ZFHX3: variants seen among roughly 807,000 people sequenced by gnomAD.
ZFHX3 encodes the protein zinc finger homeobox 3.
ZFHX3 carries 42 observed loss-of-function variants against 279.1 expected under a neutral mutation model. The observed-to-expected ratio is 0.15, with a 90% CI of 0.12 to 0.19. ZFHX3 has a LOEUF of 0.19. ZFHX3 is among the 10% of genes least tolerant of loss of function. ZFHX3 has a pLI of 1.00. For missense variants in ZFHX3, 4,981 were observed against 4,754.0 expected (o/e 1.05, Z -1.40); for synonymous variants, 2,293 against 1,957.8 (o/e 1.17, Z -4.52).
At chr16:73,464,838 G>A (rs912461903) in intron 2 of ZFHX3, among the ~76,000 whole-genome samples, 1 of 152,164 alleles carries the variant, frequency 6.6e-6, no homozygotes, top group South Asian at 2.1e-4. Context: ...TTGTCAAATG[G>A]GAAAGTTCAT....
intron 2 of ZFHX3, among the ~76,000 whole-genome samples, chr16:73,461,226 C>T (rs1042720865): frequency 7.2e-5 from 11 of 152,108 alleles, no homozygotes; most frequent in African/African-American, 1.9e-4. Context: ...CTCTTCATGA[C>T]ATTTGCCCAT....
At chr16:73,870,830 G>A (rs1962143709) in intron 1 of ZFHX3, among the ~76,000 whole-genome samples, 1 of 152,146 alleles carries the variant, frequency 6.6e-6, no homozygotes, top group Non-Finnish European at 1.5e-5. Context: ...GGCGTGGGTG[G>A]AGGAAAGACA....
chr16:72,846,859 AG>A (rs2143816006), intron 4 of ZFHX3, among the ~76,000 whole-genome samples: 1 of 152,256 alleles, frequency 6.6e-6, no homozygotes, highest in African/African-American at 2.4e-5. Flanking sequence ...AAACACAAAG[AG>A]GGGAAGCGGA....
At chr16:73,448,672 G>T (rs971377098) in intron 3 of ZFHX3, among the ~76,000 whole-genome samples, 1 of 137,036 alleles carries the variant, frequency 7.3e-6, no homozygotes, top group Non-Finnish European at 1.6e-5. Flanking sequence ...AGGGGAAGGT[G>T]TATATTTATA....
At chr16:73,588,079 TAAA>T (rs1179231307) in intron 2 of ZFHX3, among the ~76,000 whole-genome samples, 1 of 149,602 alleles carries the variant, frequency 6.7e-6, no homozygotes, top group Non-Finnish European at 1.5e-5. Context: ...GCAGTTAAAC[TAAA>T]AATCAACAAC....
intron 1 of ZFHX3, chr16:72,973,827 G>A (rs1488017449): frequency 2.0e-5 from 3 of 152,040 alleles, no homozygotes; most frequent in Non-Finnish European, 4.4e-5. Context: ...AGCAGAGATC[G>A]AAATCACTGC....
rs115984744 is a variant in ZFHX3 at position 73,883,874 on chromosome 16, G to A, written c.-1608+7777C>T. Among the ~76,000 whole-genome samples the A allele has an allele frequency of 6.4e-3, 968 of 152,198 alleles. 7 individuals carry two copies. The highest frequency in any genetic ancestry group is 0.022 in the African/African-American group (908 of 41,530). On this transcript the variant is annotated intron_variant, in intron 1 of 17. Coordinates refer to the ZFHX3 transcript ENST00000641206. Reference sequence around the variant, plus strand: ...GAGTAGGACACAAAATATAGGAAAAGAGAAGGGGAGAAACTTGGAGAAAGC... The same window carrying A: ...GAGTAGGACACAAAATATAGGAAAAAAGAAGGGGAGAAACTTGGAGAAAGC...
chr16:72,911,596 T>A (rs982599043), intron 3 of ZFHX3, among the ~76,000 whole-genome samples: 1 of 152,142 alleles, frequency 6.6e-6, no homozygotes, highest in South Asian at 2.1e-4. Context: ...CCAGGGCAGA[T>A]AAAAGATCAT....
chr16:72,967,520 AG>A (rs2144495920), intron 1 of ZFHX3, among the ~76,000 whole-genome samples: 1 of 151,614 alleles, frequency 6.6e-6, no homozygotes, highest in South Asian at 2.1e-4. Flanking sequence ...TAATAAACGT[AG>A]AAAAAGAGTA....
chr16:73,064,312 G>T (rs1277291714), upstream of ZFHX3, among the ~76,000 whole-genome samples: 3 of 152,026 alleles, frequency 2.0e-5, no homozygotes, highest in Non-Finnish European at 4.4e-5. Flanking sequence ...ACCAGGGTGA[G>T]GGTGAATCAC....
intron 7 of ZFHX3, among the ~76,000 whole-genome samples, chr16:73,096,447 G>C (rs778968875): frequency 2.8e-4 from 42 of 151,602 alleles, no homozygotes; most frequent in Non-Finnish European, 4.6e-4. Context: ...CTGTCACCCA[G>C]GGTGGAGTGC....
At chr16:73,709,951 G>T (rs1164481139) in intron 1 of ZFHX3, among the ~76,000 whole-genome samples, 1 of 152,218 alleles carries the variant, frequency 6.6e-6, no homozygotes, top group African/African-American at 2.4e-5. Context: ...GGAGGCCAAG[G>T]TGGGTGGATC....
At chr16:72,792,559 C>T (rs912125846) in intron 9 of ZFHX3, among the ~76,000 whole-genome samples, 1 of 152,156 alleles carries the variant, frequency 6.6e-6, no homozygotes, top group African/African-American at 2.4e-5. Flanking sequence ...TCAAGCGATT[C>T]TCCTGCCTCA....
chr16:73,585,570 C>G (rs1297178494), intron 2 of ZFHX3, among the ~76,000 whole-genome samples: 2 of 152,054 alleles, frequency 1.3e-5, no homozygotes, highest in Non-Finnish European at 2.9e-5. Context: ...TGTAACAAAC[C>G]TGCACATCCA....
intron 2 of ZFHX3, among the ~76,000 whole-genome samples, chr16:72,957,111 G>A (rs1437996158): frequency 6.6e-6 from 1 of 152,164 alleles, no homozygotes; most frequent in African/African-American, 2.4e-5. Flanking sequence ...TGATTATAGT[G>A]ATTTTTCAAA....
At chr16:73,771,321 G>A (rs1048466259) in intron 1 of ZFHX3, among the ~76,000 whole-genome samples, 2 of 152,104 alleles carry the variant, frequency 1.3e-5, no homozygotes, top group Non-Finnish European at 2.9e-5. Context: ...GGAGATCCTG[G>A]TGATGGCGCC....
chr16:73,199,444 G>A (rs889006484), intron 5 of ZFHX3, among the ~76,000 whole-genome samples: 8 of 152,148 alleles, frequency 5.3e-5, no homozygotes, highest in African/African-American at 1.7e-4. Context: ...CAAGGAAGCC[G>A]GTTTTATAGG....
intron 5 of ZFHX3, among the ~76,000 whole-genome samples, chr16:73,144,626 C>G (rs1426614877): frequency 6.6e-6 from 1 of 152,162 alleles, no homozygotes; most frequent in East Asian, 1.9e-4. Context: ...ATACACCACG[C>G]TGTGTCCTAC....
At chr16:73,846,489 C>A (rs1165329831) in intron 1 of ZFHX3, among the ~76,000 whole-genome samples, 1 of 152,124 alleles carries the variant, frequency 6.6e-6, no homozygotes, top group African/African-American at 2.4e-5. Flanking sequence ...CCCAAGTATT[C>A]CCTCGAGGCC....
Sources: allele counts gnomAD v4.1 joint callset (sites outside exome capture counted in the v4.1 genomes callset), GRCh38; gene constraint gnomAD v4.1.1; transcripts MANE v1.5; gene names NCBI Gene and HGNC (gene_info 2026-07-23, HGNC 2026-07-21).